ASAH2B: variants seen among roughly 807,000 people sequenced by gnomAD.
The protein encoded by ASAH2B is putative inactive neutral ceramidase B.
A neutral mutation model predicts 2.9 loss-of-function variants in ASAH2B; 1 was observed. The observed-to-expected ratio is 0.34, with a 90% CI of 0.12 to 1.63. ASAH2B has a LOEUF of 1.63. ASAH2B is among the 40% of genes most tolerant of loss of function. The probability of loss-of-function intolerance (pLI) is 0.36; values close to 1 mark genes in which losing one functional copy is unlikely to be tolerated. For missense variants in ASAH2B, 9 were observed against 37.7 expected, an observed-to-expected ratio of 0.24 and a Z score of 1.99; for synonymous variants, 4 against 13.3, an observed-to-expected ratio of 0.30 and a Z score of 1.52.
intron 3 of ASAH2B, among the ~76,000 whole-genome samples, chr10:50,746,021 T>A (rs1192837097): frequency 6.6e-6 from 1 of 151,426 alleles, no homozygotes. Context: ...TTCTTAACAA[T>A]TTTTAAAACA....
intron 3 of ASAH2B, among the ~76,000 whole-genome samples, chr10:50,746,829 T>C (rs1470300831): frequency 6.6e-6 from 1 of 151,526 alleles, no homozygotes; most frequent in East Asian, 1.9e-4. Context: ...CAGGTCCTTT[T>C]CTTATTTTCA....
intron 1 of ASAH2B, among the ~76,000 whole-genome samples, chr10:50,742,489 T>C (rs898830294): frequency 3.3e-5 from 5 of 152,186 alleles, no homozygotes; most frequent in African/African-American, 1.2e-4. Flanking sequence ...ATTTCATGGC[T>C]TTGTGATGGA....
intron 1 of ASAH2B, among the ~76,000 whole-genome samples, chr10:50,742,500 T>G (rs1340294626): frequency 6.6e-6 from 1 of 152,224 alleles, no homozygotes; most frequent in Admixed American, 6.5e-5. Flanking sequence ...TTGTGATGGA[T>G]TAAATGTCTT....
At chr10:50,747,047 A>AG (rs1246840409) in intron 3 of ASAH2B, among the ~76,000 whole-genome samples, 1 of 149,620 alleles carries the variant, frequency 6.7e-6, no homozygotes, top group African/African-American at 2.5e-5. Context: ...CTTTTGCATT[A>AG]GGGGTCATAT....
At chr10:50,746,472 A>AT (rs1839907515) in intron 3 of ASAH2B, among the ~76,000 whole-genome samples, 1 of 150,956 alleles carries the variant, frequency 6.6e-6, no homozygotes, top group African/African-American at 2.5e-5. Flanking sequence ...GGGAGTTCAC[A>AT]TATCTCTTCA....
chr10:50,742,253 A>G (rs2820737), intron 1 of ASAH2B, among the ~76,000 whole-genome samples: 28 of 152,274 alleles, frequency 1.8e-4, no homozygotes, highest in East Asian at 3.9e-4. Flanking sequence ...CAGAATTACC[A>G]GATGTGGAGA....
At position 50,759,055 on chromosome 10, in the gene ASAH2B, T is replaced by C. The variant is rs2132740569; in HGVS notation, c.*4315T>C. On this transcript the variant is annotated 3_prime_UTR_variant, in exon 6 of 6. Transcript: ENST00000647317. ...TACTGGGCAAATAGACTATTCCATG[T>C]AGAGGGAATATTGAGTACTTTATCA... The C allele has an allele frequency of 6.6e-6, 1 of 151,172 alleles. No homozygotes were observed. Among genetic ancestry groups the C allele is most frequent in the African/African-American group, 2.4e-5 (1 of 41,446 alleles). 9.4% of individuals were successfully genotyped at this position (151,172 alleles called of 1,614,324 possible).
chr10:50,746,073 G>T (rs932878932), intron 3 of ASAH2B, among the ~76,000 whole-genome samples: 2 of 151,174 alleles, frequency 1.3e-5, no homozygotes, highest in Non-Finnish European at 2.9e-5. Flanking sequence ...TTGTACAGTA[G>T]CCCTCTTGAA....
intron 2 of ASAH2B, 30 bp downstream of exon 2, chr10:50,743,040 G>T (rs767908313): frequency 1.6e-5 from 25 of 1,569,320 alleles, no homozygotes; most frequent in South Asian, 7.3e-5. Flanking sequence ...GCGTGCGTGC[G>T]TGCGTGTGTG....
intron 3 of ASAH2B, among the ~76,000 whole-genome samples, chr10:50,748,558 T>C (rs1156797917): frequency 1.3e-5 from 2 of 151,252 alleles, no homozygotes; most frequent in Non-Finnish European, 2.9e-5. Context: ...GCCCATTCTT[T>C]TCCTGGCTTC....
At position 50,758,475 on chromosome 10, in the gene ASAH2B, ATTTT is replaced by A. The variant is rs1232655397; in HGVS notation, c.*3737_*3740del. ...TCGTGAAGCTTCCACATTACTGTGC[ATTTT>A]TCACTGGGCAGGTGACAGAACCAGG... On this transcript the variant is annotated 3_prime_UTR_variant, in exon 6 of 6. Coordinates refer to ENST00000647317, the MANE Select transcript of ASAH2B (RefSeq NM_001321958.2). 1.4e-5 allele frequency: 2 copies of A among 142,938 alleles called. No individual in the cohort carries two copies. The highest frequency in any genetic ancestry group is 3.1e-5 in the Non-Finnish European group (2 of 65,450). 8.9% of individuals were successfully genotyped at this position (142,938 alleles called of 1,614,324 possible). A position where few individuals can be genotyped will look rare whatever the true frequency, so the allele number is the denominator to read the frequency against.
intron 3 of ASAH2B, among the ~76,000 whole-genome samples, chr10:50,747,875 T>C (rs1190292362): frequency 1.3e-5 from 2 of 151,392 alleles, no homozygotes; most frequent in Non-Finnish European, 3.0e-5. Flanking sequence ...TTGCCTTTGG[T>C]ATTGGGGCAA....
At chr10:50,747,787 G>T in intron 3 of ASAH2B, among the ~76,000 whole-genome samples, 1 of 151,856 alleles carries the variant, frequency 6.6e-6, no homozygotes, top group Non-Finnish European at 1.5e-5. Context: ...TGCTGAATTT[G>T]ATTTGCTGAT....
intron 2 of ASAH2B, among the ~76,000 whole-genome samples, chr10:50,744,906 A>G (rs1319689175): frequency 6.6e-6 from 1 of 151,296 alleles, no homozygotes. Flanking sequence ...AGAGTTGCCT[A>G]TGACCAAAAC....
At position 50,757,552 on chromosome 10, in the gene ASAH2B, T is replaced by G. The variant is rs1020089831; in HGVS notation, c.*2812T>G. ...CCTTTTCTAATGTGCCCTCTTATGC[T>G]TCTCCTCCAATGTAAGCAAGCTTAC... On this transcript the variant is annotated 3_prime_UTR_variant, in exon 6 of 6. Coordinates refer to ENST00000647317, the MANE Select transcript of ASAH2B (RefSeq NM_001321958.2). 6.8e-6 allele frequency: 1 copy of G among 147,554 alleles called. No homozygotes were observed. The highest frequency in any genetic ancestry group is 1.5e-5 in the Non-Finnish European group (1 of 66,104). 9.1% of individuals were successfully genotyped at this position (147,554 alleles called of 1,614,324 possible). A position where few individuals can be genotyped will look rare whatever the true frequency, so the allele number is the denominator to read the frequency against.
rs116018469 is a variant in ASAH2B at position 50,740,709 on chromosome 10, C to T, written c.-100+726C>T. ...TAATTGAATGAAATGGCACCCTTTC[C>T]CGCTTTTTTTCAATCAAGCTGTCAG... is the stretch of plus-strand genomic sequence containing the variant. On this transcript the variant is annotated intron_variant, in intron 1 of 5. Transcript: ENST00000647317. Among the ~76,000 whole-genome samples, 773 of 152,316 alleles carry T rather than the reference C, an allele frequency of 5.1e-3. 7 individuals are homozygous for T. Among genetic ancestry groups the T allele is most frequent in the African/African-American group, 0.018 (756 of 41,566 alleles).
chr10:50,746,164 C>A, intron 3 of ASAH2B, among the ~76,000 whole-genome samples: 1 of 151,556 alleles, frequency 6.6e-6, no homozygotes, highest in African/African-American at 2.4e-5. Flanking sequence ...CTCCTAGCCC[C>A]TGGTAACTAA....
rs1405395590 is a variant in ASAH2B, at chr10:50,755,920, T to C, written c.*1180T>C. 6.6e-6 allele frequency: 1 copy of C among 151,266 alleles called. No homozygotes were observed. Among genetic ancestry groups the C allele is most frequent in the Non-Finnish European group, 1.5e-5 (1 of 67,570 alleles). The allele number at this position is 151,266 out of a possible 1,614,324, so 9.4% of individuals were successfully genotyped here. ...TGTGTATCATCTGTGTTGGATACTCTAATTTGGGGGGAAAGAGGCTCCAGA... is the reference window on the plus strand; with the variant it reads ...TGTGTATCATCTGTGTTGGATACTCCAATTTGGGGGGAAAGAGGCTCCAGA... On this transcript the variant is annotated 3_prime_UTR_variant, in exon 6 of 6. Transcript: ENST00000647317.
chr10:50,747,129 T>C (rs576485040), intron 3 of ASAH2B, among the ~76,000 whole-genome samples: 2 of 150,788 alleles, frequency 1.3e-5, no homozygotes, highest in Admixed American at 6.6e-5. Context: ...TTCAGTTGTT[T>C]TATAGTTTCA....
Sources: allele counts gnomAD v4.1 joint callset (sites outside exome capture counted in the v4.1 genomes callset), GRCh38; gene constraint gnomAD v4.1.1; transcripts MANE v1.5; gene names NCBI Gene and HGNC (gene_info 2026-07-23, HGNC 2026-07-21).